HUWE1: variants seen among roughly 807,000 people sequenced by gnomAD.
The protein encoded by HUWE1 is HECT, UBA and WWE domain containing E3 ubiquitin protein ligase 1.
In HUWE1, 18 loss-of-function variants were observed where a neutral mutation model predicts 299.4. That is an observed-to-expected ratio of 0.06 (90% CI 0.04 to 0.09). HUWE1 has a LOEUF of 0.09. HUWE1 is among the 10% of genes least tolerant of loss of function. HUWE1 has a pLI of 1.00. For missense variants in HUWE1, 1,832 were observed against 3,462.3 expected (o/e 0.53, Z 11.82); for synonymous variants, 1,317 against 1,286.1 (o/e 1.02, Z -0.51).
At chrX:53,667,132 CA>C (rs1431569367) in intron 3 of HUWE1, among the ~76,000 whole-genome samples, 4 of 111,646 alleles carry the variant, frequency 3.6e-5, no homozygotes, top group African/African-American at 1.3e-4. Flanking sequence ...AGTCAATACA[CA>C]AAAAAAGAGA....
chrX:53,648,349 T>G, intron 4 of HUWE1, 39 bp from the exon 5 acceptor site: 3 of 836,066 alleles, frequency 3.6e-6, no homozygotes, highest in Non-Finnish European at 5.3e-6. Context: ...TGTTTTGGAA[T>G]GAGGGAGTTG....
intron 75 of HUWE1, among the ~76,000 whole-genome samples, 163 bp downstream of exon 75, chrX:53,539,494 T>C (rs782619523): frequency 3.8e-4 from 42 of 111,614 alleles, no homozygotes; most frequent in Admixed American, 2.3e-3. Context: ...AGAAGGTCAA[T>C]CTTTTTTATA....
intron 79 of HUWE1, 25 bp from the exon 80 acceptor site, chrX:53,536,277 T>A (rs1556912915): frequency 5.2e-6 from 6 of 1,153,449 alleles, no homozygotes; most frequent in Non-Finnish European, 7.1e-6. Context: ...TTATACAGGG[T>A]CATGGTTTGC....
At chrX:53,639,457 A>ATAC (rs2067431946) in intron 7 of HUWE1, among the ~76,000 whole-genome samples, 2 of 112,182 alleles carry the variant, frequency 1.8e-5, no homozygotes, top group Admixed American at 1.9e-4. Context: ...AAAGCATGGA[A>ATAC]TACTATGCAG....
At chrX:53,680,952 G>C (rs1208850471) in intron 2 of HUWE1, among the ~76,000 whole-genome samples, 2 of 110,108 alleles carry the variant, frequency 1.8e-5, no homozygotes, top group Non-Finnish European at 3.8e-5. Flanking sequence ...TTCGAAACTA[G>C]AGTCCACATA....
chrX:53,636,811 A>C (rs1557026794), intron 7 of HUWE1, among the ~76,000 whole-genome samples: 1 of 112,018 alleles, frequency 8.9e-6, no homozygotes, highest in East Asian at 2.8e-4. Context: ...AAAATACTGG[A>C]AATTACCTAA....
chrX:53,616,227 A>AT lies in HUWE1; in HGVS notation c.1958-393dup, dbSNP rs782367563. ...CAGGCTGTTGTGATATTTTTTTCCTATTTTTTTTTTTTGGTTGTGATTTTC... is the reference window on the plus strand; with the variant it reads ...CAGGCTGTTGTGATATTTTTTTCCTATTTTTTTTTTTTTGGTTGTGATTTTC... On this transcript the variant is annotated intron_variant, in intron 21 of 83. Coordinates refer to ENST00000262854, the MANE Select transcript of HUWE1 (RefSeq NM_031407.7). 2.9e-3 allele frequency among the ~76,000 whole-genome samples: 283 copies of AT among 96,730 alleles called. 1 individual carries two copies. Among genetic ancestry groups the AT allele is most frequent in the East Asian group, 0.021 (66 of 3,186 alleles). The allele number at this position is 96,730 out of a possible 115,157, so 84.0% of individuals were successfully genotyped here. A position where few individuals can be genotyped will look rare whatever the true frequency, so the allele number is the denominator to read the frequency against.
chrX:53,628,508 C>T lies in HUWE1; in HGVS notation c.1227G>A (p.Met409Ile). ...AGTACAGCACCTTCAATAAGGCTTC[C>T]ATCATTCCACAGGAGACCAAGGCTT... is the stretch of plus-strand genomic sequence containing the variant. The part of the protein sequence containing the change: ...GGEALVSCGM[M>I]EALLKVIKFL... Residue 409 changes from methionine to isoleucine, a missense_variant, in exon 15 of 84, where the codon ATG becomes ATA. This residue lies in a region of HUWE1 where 658 missense variants were observed against 1,282.6 expected (regional missense o/e 0.51). Coordinates refer to ENST00000262854, the MANE Select transcript of HUWE1 (RefSeq NM_031407.7). 1 of 1,161,758 alleles carries T rather than the reference C, an allele frequency of 8.6e-7. No homozygotes were observed. The highest frequency in any genetic ancestry group is 1.9e-5 in the South Asian group (1 of 52,034).
chrX:53,538,076 GGAACA>G (rs2061147210), intron 77 of HUWE1, among the ~76,000 whole-genome samples: 1 of 111,687 alleles, frequency 9.0e-6, no homozygotes, highest in African/African-American at 3.3e-5. Context: ...CCCAACGGAT[GGAACA>G]GAACTTTAGA....
At chrX:53,665,966 G>T (rs1364647568) in intron 3 of HUWE1, among the ~76,000 whole-genome samples, 1 of 110,979 alleles carries the variant, frequency 9.0e-6, no homozygotes, top group Non-Finnish European at 1.9e-5. Context: ...ACCAGCCTGG[G>T]CCACAGAGTG....
In HUWE1 at chrX:53,601,661, T is replaced by TG. The variant is rs1178554639; in HGVS notation, c.2971+902dup. Among the ~76,000 whole-genome samples, 7 of 95,166 alleles carry TG rather than the reference T, an allele frequency of 7.4e-5. No homozygotes were observed. In the East Asian group the frequency reaches 1.7e-3, roughly 24 times the overall value. 82.6% of individuals were successfully genotyped at this position (95,166 alleles called of 115,157 possible). A position where few individuals can be genotyped will look rare whatever the true frequency, so the allele number is the denominator to read the frequency against. Reference sequence around the variant, plus strand: ...TGTATGATTTCTACTTACTGAAATTTGGAATTTTTTTTTTTTTTTTTCCTG... The same window carrying TG: ...TGTATGATTTCTACTTACTGAAATTTGGGAATTTTTTTTTTTTTTTTTCCTG... On this transcript the variant is annotated intron_variant, in intron 28 of 83. Coordinates refer to ENST00000262854, the MANE Select transcript of HUWE1 (RefSeq NM_031407.7).
chrX:53,654,284 G>C (rs2068642953), intron 3 of HUWE1, among the ~76,000 whole-genome samples, 153 bp from the exon 4 acceptor site: 1 of 112,065 alleles, frequency 8.9e-6, no homozygotes. Flanking sequence ...CAGAGGCACA[G>C]CTATCAGGTA....
At chrX:53,622,218 T>C (rs1199634210) in intron 19 of HUWE1, among the ~76,000 whole-genome samples, 1 of 111,500 alleles carries the variant, frequency 9.0e-6, no homozygotes, top group Admixed American at 9.5e-5. Context: ...GATGCCCCCC[T>C]GTTGAGAATG....
In HUWE1 at chrX:53,635,586, G is replaced by A. The variant is rs376845259; in HGVS notation, c.505-1288C>T. Among the ~76,000 whole-genome samples, 10 of 112,076 alleles carry A rather than the reference G, an allele frequency of 8.9e-5. No homozygotes were observed. The East Asian group carries it at 1.4e-3, about 16-fold the overall frequency. On this transcript the variant is annotated intron_variant, in intron 7 of 83. Transcript: ENST00000262854. ...TTCTGCCTTGGCCTCCCAAAGTGCT[G>A]GGATTACAGCTGTGAGCCACCTTGC...
At chrX:53,661,268 T>C (rs2068992926) in intron 3 of HUWE1, among the ~76,000 whole-genome samples, 1 of 111,810 alleles carries the variant, frequency 8.9e-6, no homozygotes, top group South Asian at 3.7e-4. Context: ...TCTCCTGACG[T>C]TGTGATCCGC....
chrX:53,609,772 C>T (rs782783409), intron 23 of HUWE1, among the ~76,000 whole-genome samples: 9 of 111,821 alleles, frequency 8.0e-5, no homozygotes, highest in African/African-American at 2.9e-4. Context: ...TGCAGGAGAG[C>T]GGGATGGGGC....
intron 23 of HUWE1, among the ~76,000 whole-genome samples, chrX:53,613,137 C>T (rs1290984839): frequency 9.0e-6 from 1 of 111,603 alleles, no homozygotes; most frequent in African/African-American, 3.3e-5. Flanking sequence ...GGGTGTCCTC[C>T]TCTTCTAGAA....
intron 37 of HUWE1, among the ~76,000 whole-genome samples, chrX:53,588,051 T>A (rs1175668811): frequency 9.0e-6 from 1 of 111,569 alleles, no homozygotes; most frequent in Non-Finnish European, 1.9e-5. Flanking sequence ...ATGACCAAGC[T>A]CTGTTAGTAA....
rs2063071196 is a variant in HUWE1, at chrX:53,575,694, T to C, written c.5979A>G (p.Ser1993=). 1 of 1,211,260 alleles carries C rather than the reference T, an allele frequency of 8.3e-7. No homozygotes were observed. Among genetic ancestry groups the C allele is most frequent in the South Asian group, 1.8e-5 (1 of 56,974 alleles). Reference sequence around the variant, plus strand: ...CAAAGTCACTGCTCTGACGCGTAAGTGACCGGTACTGCTGGTATACATCAT... The same window carrying C: ...CAAAGTCACTGCTCTGACGCGTAAGCGACCGGTACTGCTGGTATACATCAT... ...MGDDVYQQYR[S]LTRQSSDFDT... The change falls in exon 45 of 84, where the codon TCA becomes TCG. Residue 1993 remains serine (S), a synonymous_variant. Transcript: ENST00000262854.
Sources: allele counts gnomAD v4.1 joint callset (sites outside exome capture counted in the v4.1 genomes callset), GRCh38; gene constraint gnomAD v4.1.1; regional missense constraint gnomAD v4.1.1; transcripts MANE v1.5; gene names NCBI Gene and HGNC (gene_info 2026-07-23, HGNC 2026-07-21).